ZNF804B: variants seen among roughly 807,000 people sequenced by gnomAD.
The protein encoded by ZNF804B is zinc finger 804B.
Under a neutral mutation model 101.4 loss-of-function variants are expected in ZNF804B, and 80 were observed. The ratio of observed to expected loss-of-function variants is 0.79; its 90% CI spans 0.66 to 0.95. The LOEUF (loss-of-function observed/expected upper bound fraction) is 0.95. Ranked by LOEUF, ZNF804B falls within the 40% of genes least tolerant of loss-of-function variation. ZNF804B has a pLI of 0.00. For synonymous variants in ZNF804B, 622 were observed against 558.8 expected (o/e 1.11, Z -1.59); for missense variants, 1,673 against 1,561.9 (o/e 1.07, Z -1.20).
chr7:89,023,841 C>T (rs765501), intron 1 of ZNF804B, among the ~76,000 whole-genome samples: 1 of 151,934 alleles, frequency 6.6e-6, no homozygotes, highest in Non-Finnish European at 1.5e-5. Flanking sequence ...TTGACTGAAG[C>T]ACAACATCAC....
intron 2 of ZNF804B, among the ~76,000 whole-genome samples, chr7:89,237,831 T>C (rs554239022): frequency 6.6e-6 from 1 of 152,278 alleles, no homozygotes; most frequent in South Asian, 2.1e-4. Context: ...TCATATACAA[T>C]TGCTTTATTC....
At chr7:89,285,829 C>T (rs1183345655) in intron 2 of ZNF804B, among the ~76,000 whole-genome samples, 1 of 152,164 alleles carries the variant, frequency 6.6e-6, no homozygotes, top group Admixed American at 6.5e-5. Flanking sequence ...TAGACACCAG[C>T]TGCCAGTTTT....
chr7:89,151,663 G>A (rs1441720349), intron 1 of ZNF804B, among the ~76,000 whole-genome samples: 3 of 151,426 alleles, frequency 2.0e-5, no homozygotes. Flanking sequence ...AAATGTGGCT[G>A]AGAATAAGCA....
At chr7:88,857,975 A>G (rs1791596839) in intron 1 of ZNF804B, among the ~76,000 whole-genome samples, 1 of 151,776 alleles carries the variant, frequency 6.6e-6, no homozygotes, top group Admixed American at 6.6e-5. Context: ...GGCTTGTGCC[A>G]TCATGCCCAG....
intron 1 of ZNF804B, among the ~76,000 whole-genome samples, chr7:88,814,460 ACACACACACACACAC>A (rs1790843611): frequency 4.0e-5 from 2 of 50,022 alleles, no homozygotes; most frequent in African/African-American, 1.9e-4. Context: ...ACACACACAC[ACACACACACACACAC>A]ACACACACAC....
At chr7:89,223,683 C>CA (rs888777931) in intron 2 of ZNF804B, among the ~76,000 whole-genome samples, 58 of 144,898 alleles carry the variant, frequency 4.0e-4, no homozygotes, top group Non-Finnish European at 6.2e-4. Context: ...GACCTGTCTC[C>CA]AAAAAAAAAA....
At chr7:89,257,346 T>C (rs1170608245) in intron 2 of ZNF804B, among the ~76,000 whole-genome samples, 7 of 152,194 alleles carry the variant, frequency 4.6e-5, no homozygotes, top group African/African-American at 1.7e-4. Flanking sequence ...CATAAAATAC[T>C]ATATTTTATA....
intron 2 of ZNF804B, among the ~76,000 whole-genome samples, chr7:89,292,401 G>T (rs572967888): frequency 5.3e-5 from 8 of 152,178 alleles, no homozygotes; most frequent in African/African-American, 1.9e-4. Context: ...TACAAAGCAG[G>T]AGACAAAGTT....
rs779235189 is a variant in ZNF804B, at chr7:89,335,523, G to A, written c.2541G>A (p.Gln847=). Residue 847 remains glutamine, a synonymous_variant, in exon 4 of 4, where the codon CAG becomes CAA. Transcript: ENST00000333190. ...GCAGTAAAAAACCACCTAATTGCCA[G>A]GGAACTCAGCACGACAGATTGGACT... ...TGSSKKPPNC[Q]GTQHDRLDSY... is the part of the protein sequence containing the mutation. 6.2e-7 allele frequency: 1 copy of A among 1,613,924 alleles called. No homozygotes were observed. The highest frequency in any genetic ancestry group is 8.5e-7 in the Non-Finnish European group (1 of 1,179,930).
At chr7:89,072,003 A>T (rs1223315830) in intron 1 of ZNF804B, among the ~76,000 whole-genome samples, 7 of 152,172 alleles carry the variant, frequency 4.6e-5, no homozygotes, top group Non-Finnish European at 1.5e-5. Context: ...AAAAATGGGA[A>T]AGAGAAGCTA....
intron 1 of ZNF804B, among the ~76,000 whole-genome samples, chr7:89,182,749 G>C (rs1432590930): frequency 6.6e-5 from 10 of 152,128 alleles, no homozygotes; most frequent in Admixed American, 5.9e-4. Context: ...TTTTATTGCT[G>C]ATTCATATAC....
At chr7:89,234,688 C>A (rs896138067) in intron 2 of ZNF804B, among the ~76,000 whole-genome samples, 1 of 152,184 alleles carries the variant, frequency 6.6e-6, no homozygotes, top group African/African-American at 2.4e-5. Context: ...TTCTCTCTCC[C>A]CATTCCATAA....
chr7:89,307,275 C>G (rs1790580129), intron 2 of ZNF804B, among the ~76,000 whole-genome samples: 1 of 151,836 alleles, frequency 6.6e-6, no homozygotes, highest in African/African-American at 2.4e-5. Context: ...ATGAACCATG[C>G]ATAGAATATT....
chr7:88,852,585 T>C (rs114893757), intron 1 of ZNF804B, among the ~76,000 whole-genome samples: 20 of 152,220 alleles, frequency 1.3e-4, no homozygotes, highest in African/African-American at 4.8e-4. Context: ...AGCTGACTTA[T>C]GCCCTCTTCA....
chr7:88,967,553 T>C (rs1385326066), intron 1 of ZNF804B, among the ~76,000 whole-genome samples: 2 of 151,220 alleles, frequency 1.3e-5, no homozygotes, highest in Non-Finnish European at 3.0e-5. Flanking sequence ...TAAGCAGAAA[T>C]TTAAGAAAAT....
intron 1 of ZNF804B, among the ~76,000 whole-genome samples, chr7:89,011,507 A>G (rs1225801766): frequency 6.6e-6 from 1 of 152,138 alleles, no homozygotes; most frequent in African/African-American, 2.4e-5. Flanking sequence ...TGTAAAATCA[A>G]AAGCAAGTTA....
At chr7:88,880,186 T>C (rs1328621484) in intron 1 of ZNF804B, among the ~76,000 whole-genome samples, 1 of 152,246 alleles carries the variant, frequency 6.6e-6, no homozygotes. Context: ...GGTGTTTTGC[T>C]AGCAGAGTCA....
chr7:88,959,545 A>G (rs1392642899), intron 1 of ZNF804B, among the ~76,000 whole-genome samples: 1 of 151,300 alleles, frequency 6.6e-6, no homozygotes, highest in Non-Finnish European at 1.5e-5. Flanking sequence ...CTTTCTTGAG[A>G]ATATCTGAGA....
At chr7:88,786,317 C>T (rs1169527992) in intron 1 of ZNF804B, among the ~76,000 whole-genome samples, 1 of 152,006 alleles carries the variant, frequency 6.6e-6, no homozygotes, top group Non-Finnish European at 1.5e-5. Flanking sequence ...TTTGTGTCTT[C>T]CATAGTCCCT....
Sources: allele counts gnomAD v4.1 joint callset (sites outside exome capture counted in the v4.1 genomes callset), GRCh38; gene constraint gnomAD v4.1.1; transcripts MANE v1.5; gene names NCBI Gene and HGNC (gene_info 2026-07-23, HGNC 2026-07-21).